Variants in GC observed in about 807,000 individuals in gnomAD.
GC encodes GC vitamin D binding protein.
In GC, 43 loss-of-function variants were observed where a neutral mutation model predicts 56.7. That is an observed-to-expected ratio of 0.76 (90% CI 0.59 to 0.98). The LOEUF (loss-of-function observed/expected upper bound fraction) is 0.98. Ranked by LOEUF, GC falls within the 50% of genes least tolerant of loss-of-function variation. The pLI is 0.00. For synonymous variants in GC, 216 were observed against 202.7 expected, an observed-to-expected ratio of 1.07 and a Z score of -0.56; for missense variants, 529 against 545.9, an observed-to-expected ratio of 0.97 and a Z score of 0.31.
chr4:71,788,399 C>G (rs1312890361), upstream of GC, among the ~76,000 whole-genome samples: 1 of 151,066 alleles, frequency 6.6e-6, no homozygotes, highest in Non-Finnish European at 1.5e-5. Flanking sequence ...AATTTATTAA[C>G]CAAATGGTTT....
intron 1 of GC, among the ~76,000 whole-genome samples, chr4:71,781,577 A>C (rs890811098): frequency 1.3e-5 from 2 of 151,808 alleles, no homozygotes; most frequent in African/African-American, 4.8e-5. Context: ...AGTTAAAAAA[A>C]AATTTTATAG....
intron 1 of GC, among the ~76,000 whole-genome samples, chr4:71,802,399 G>A (rs1743273724): frequency 6.6e-6 from 1 of 152,072 alleles, no homozygotes; most frequent in Non-Finnish European, 1.5e-5. Context: ...ATTAGGTTAG[G>A]CCCATACAAT....
At chr4:71,798,366 T>C (rs192101030) in intron 1 of GC, among the ~76,000 whole-genome samples, 48 of 152,330 alleles carry the variant, frequency 3.2e-4, no homozygotes, top group African/African-American at 1.2e-3. Flanking sequence ...TGAGTGACAT[T>C]TTTTTGTTTG....
rs1242808773 is a variant in GC, at chr4:71,802,211, AT to A, written c.21+1714del. Among the ~76,000 whole-genome samples, 6 of 152,130 alleles carry A rather than the reference AT, an allele frequency of 3.9e-5. No individual in the cohort carries two copies. In the East Asian group the frequency reaches 1.2e-3, roughly 29 times the overall value. On this transcript the variant is annotated intron_variant, in intron 1 of 13. Transcript: ENST00000504199. Reference sequence around the variant, plus strand: ...TATCTATTCCAGTTAACATTTCACTATTTTAATAGTCTTAGGTTATCTAGTG... The same window carrying A: ...TATCTATTCCAGTTAACATTTCACTATTTAATAGTCTTAGGTTATCTAGTG...
intron 7 of GC, among the ~76,000 whole-genome samples, chr4:71,757,552 G>A (rs528209080): frequency 6.6e-5 from 10 of 151,976 alleles, no homozygotes; most frequent in South Asian, 4.2e-4. Flanking sequence ...CAGTAGTAGC[G>A]TCTACTAGTA....
intron 1 of GC, among the ~76,000 whole-genome samples, chr4:71,771,330 G>T (rs1742335166): frequency 6.6e-6 from 1 of 151,694 alleles, no homozygotes; most frequent in African/African-American, 2.4e-5. Flanking sequence ...ACTTGAAAGG[G>T]TTGTATTTTT....
intron 1 of GC, among the ~76,000 whole-genome samples, chr4:71,772,994 T>C (rs1272077418): frequency 6.6e-6 from 1 of 152,106 alleles, no homozygotes; most frequent in Non-Finnish European, 1.5e-5. Context: ...TTATTACTAA[T>C]TGATTCCCCA....
intron 12 of GC, among the ~76,000 whole-genome samples, chr4:71,742,559 A>G (rs1367795214): frequency 2.6e-5 from 4 of 152,086 alleles, no homozygotes; most frequent in Admixed American, 6.5e-5. Flanking sequence ...TATCTAAAAT[A>G]TTTTCACCCA....
chr4:71,769,074 T>C (rs1005479174), intron 2 of GC, among the ~76,000 whole-genome samples: 3 of 152,202 alleles, frequency 2.0e-5, no homozygotes, highest in Admixed American at 1.3e-4. Flanking sequence ...TAGAAAGCTA[T>C]GCTTTACGTA....
intron 1 of GC, among the ~76,000 whole-genome samples, chr4:71,801,127 C>T (rs1743237978): frequency 6.6e-6 from 1 of 151,926 alleles, no homozygotes; most frequent in Non-Finnish European, 1.5e-5. Flanking sequence ...TATAACCCAA[C>T]AATAAAAAAG....
At chr4:71,770,475 C>G (rs1380118682) in intron 1 of GC, among the ~76,000 whole-genome samples, 1 of 152,100 alleles carries the variant, frequency 6.6e-6, no homozygotes, top group South Asian at 2.1e-4. Context: ...GGAGAGAGAT[C>G]ACAGAAGAAC....
rs1319363145 is a variant in GC at position 71,744,306 on chromosome 4, C to A, written c.*25+1845G>T. Among the ~76,000 whole-genome samples the A allele has an allele frequency of 1.4e-4, 21 of 146,932 alleles. No homozygotes were observed. In the East Asian group the frequency reaches 3.4e-3, roughly 23 times the overall value. On this transcript the variant is annotated intron_variant, in intron 12 of 12. Transcript: ENST00000273951. ...AAATACAAAAAAAAAAAAAAAAACC[C>A]AAATTAGCTGGGCGTGGTGGCGGGC...
At position 71,763,363 on chromosome 4, in the gene GC, T is replaced by C. The variant is rs753791791; in HGVS notation, c.701+45A>G. 4.0e-6 allele frequency: 4 copies of C among 1,006,534 alleles called. No homozygotes were observed. The South Asian group carries it at 5.3e-5, about 13-fold the overall frequency. The allele number at this position is 1,006,534 out of a possible 1,614,324, so 62.4% of individuals were successfully genotyped here. On this transcript the variant is annotated intron_variant, in intron 6 of 12. Transcript: ENST00000273951. ...AAACCCTAATATTATGGATAGACAG[T>C]GCAGAACCAAACATCTAAATATGAC... is the stretch of plus-strand genomic sequence containing the variant.
intron 1 of GC, among the ~76,000 whole-genome samples, chr4:71,776,660 A>G (rs1742518486): frequency 6.6e-6 from 1 of 151,930 alleles, no homozygotes; most frequent in Admixed American, 6.6e-5. Context: ...CCTCAGAAAA[A>G]ATGATAAGCA....
intron 1 of GC, 61 bp from the exon 2 acceptor site, chr4:71,769,461 G>A: frequency 9.2e-7 from 1 of 1,082,338 alleles, no homozygotes; most frequent in Admixed American, 1.8e-5. Context: ...TATGTTACAT[G>A]TACATGTATA....
At chr4:71,784,896 A>G (rs1176831090), upstream of GC, among the ~76,000 whole-genome samples, 2 of 151,660 alleles carry the variant, frequency 1.3e-5, no homozygotes, top group Non-Finnish European at 3.0e-5. Context: ...TCTTCATTTT[A>G]CAGAAGAGTG....
rs546498671 is a variant in GC at position 71,747,655 on chromosome 4, T to C, written c.1396-1450A>G. ...CCATCAAAAGCCAGACTGCAAAGGGTTGAGGAATTAATAAGAGGTGTGAGG... is the reference window on the plus strand; with the variant it reads ...CCATCAAAAGCCAGACTGCAAAGGGCTGAGGAATTAATAAGAGGTGTGAGG... On this transcript the variant is annotated intron_variant, in intron 11 of 12. Coordinates refer to ENST00000273951, the MANE Select transcript of GC (RefSeq NM_000583.4). Among the ~76,000 whole-genome samples, 4 of 152,086 alleles carry C rather than the reference T, an allele frequency of 2.6e-5. No homozygotes were observed. In the South Asian group the frequency reaches 6.2e-4, roughly 24 times the overall value.
chr4:71,805,112 G>A (rs1032251558), upstream of GC, among the ~76,000 whole-genome samples: 6 of 152,094 alleles, frequency 3.9e-5, no homozygotes, highest in Non-Finnish European at 8.8e-5. Context: ...GGTCTAGCAT[G>A]CCTTCTTCCA....
intron 3 of GC, among the ~76,000 whole-genome samples, chr4:71,767,871 T>A (rs1249847751): frequency 6.6e-6 from 1 of 152,016 alleles, no homozygotes; most frequent in Non-Finnish European, 1.5e-5. Context: ...CTTTAAATCC[T>A]CATAGCTTAG....
Sources: allele counts gnomAD v4.1 joint callset (sites outside exome capture counted in the v4.1 genomes callset), GRCh38; gene constraint gnomAD v4.1.1; transcripts MANE v1.5; gene names NCBI Gene and HGNC (gene_info 2026-07-23, HGNC 2026-07-21).